PUM1: variants seen among roughly 807,000 people sequenced by gnomAD.
PUM1 encodes pumilio RNA binding family member 1, also known as pumilio homolog 1.
Under a neutral mutation model 131.8 loss-of-function variants are expected in PUM1, and 13 were observed. The observed-to-expected ratio is 0.10, with a 90% CI of 0.06 to 0.16. The LOEUF (loss-of-function observed/expected upper bound fraction) is 0.16, where lower values mean the gene tolerates loss of function less well. Ranked by LOEUF, PUM1 falls within the 10% of genes least tolerant of loss-of-function variation. PUM1 has a pLI of 1.00. For synonymous variants in PUM1, 509 were observed against 556.5 expected (o/e 0.91, Z 1.20); for missense variants, 961 against 1,512.4 (o/e 0.64, Z 6.05).
Position 31,009,782 on chromosome 1 carries a change from A to AAAAAAAAAAAAAAACAAAAAC in PUM1, c.433-2681_433-2680insGTTTTTGTTTTTTTTTTTTTT, listed in dbSNP as rs375044466. 1.9e-4 allele frequency among the ~76,000 whole-genome samples: 24 copies of AAAAAAAAAAAAAAACAAAAAC among 125,344 alleles called. 1 individual carries two copies. Among genetic ancestry groups the AAAAAAAAAAAAAAACAAAAAC allele is most frequent in the Non-Finnish European group, 2.9e-4 (18 of 62,922 alleles). The allele number at this position is 125,344 out of a possible 152,430, so 82.2% of individuals were successfully genotyped here. A position where few individuals can be genotyped will look rare whatever the true frequency, so the allele number is the denominator to read the frequency against. On this transcript the variant is annotated intron_variant, in intron 3 of 21. Coordinates refer to ENST00000426105, the MANE Select transcript of PUM1 (RefSeq NM_001020658.2). ...GACTCTGTCTCAAAAAAAAAAAAAA[A>AAAAAAAAAAAAAAACAAAAAC]AAAAACAAAAACAGAAACAAAAAAA... is the stretch of plus-strand genomic sequence containing the variant.
At chr1:31,034,150 T>C (rs1204969201) in intron 2 of PUM1, among the ~76,000 whole-genome samples, 1 of 152,102 alleles carries the variant, frequency 6.6e-6, no homozygotes, top group African/African-American at 2.4e-5. Flanking sequence ...ACGACACAGG[T>C]TTTGCTAGCA....
intron 9 of PUM1, among the ~76,000 whole-genome samples, chr1:30,978,911 C>G (rs1641246784): frequency 6.6e-6 from 1 of 152,140 alleles, no homozygotes; most frequent in Admixed American, 6.5e-5. Flanking sequence ...CAACACCAGC[C>G]TAGGCAACGC....
At chr1:30,984,781 T>C (rs1422583842) in intron 7 of PUM1, among the ~76,000 whole-genome samples, 4 of 152,232 alleles carry the variant, frequency 2.6e-5, no homozygotes, top group Non-Finnish European at 5.9e-5. Flanking sequence ...TGGCATCTTA[T>C]AAAAGATAGC....
intron 3 of PUM1, among the ~76,000 whole-genome samples, chr1:31,023,322 C>T (rs951115579): frequency 1.3e-5 from 2 of 152,168 alleles, no homozygotes; most frequent in Non-Finnish European, 2.9e-5. Flanking sequence ...AGACATCTTT[C>T]CAAAACTCAG....
chr1:31,046,511 GTTT>G (rs35053733), intron 2 of PUM1, among the ~76,000 whole-genome samples: 11 of 122,054 alleles, frequency 9.0e-5, no homozygotes, highest in South Asian at 8.1e-4. Flanking sequence ...TGTTTTTTTG[GTTT>G]TTTTTTTTTT....
intron 4 of PUM1, among the ~76,000 whole-genome samples, chr1:31,006,634 G>A (rs1642409989): frequency 6.6e-6 from 1 of 152,034 alleles, no homozygotes; most frequent in Non-Finnish European, 1.5e-5. Context: ...TTCCATACAC[G>A]GTACACAAGG....
chr1:31,041,373 A>C (rs1248848479), intron 2 of PUM1, among the ~76,000 whole-genome samples: 1 of 151,746 alleles, frequency 6.6e-6, no homozygotes, highest in Non-Finnish European at 1.5e-5. Context: ...CATCACGGCC[A>C]GTCAAAAAGT....
rs1570057931 is a variant in PUM1 at position 30,932,308 on chromosome 1, T to C, written c.*903A>G. The C allele has an allele frequency of 2.6e-5, 4 of 152,592 alleles. No homozygotes were observed. In the Middle Eastern group the frequency reaches 0.014, roughly 519 times the overall value. The allele number at this position is 152,592 out of a possible 1,614,324, so 9.5% of individuals were successfully genotyped here. ...GTACATTATAGATACAGATTAGACA[T>C]CAAAACAAGAAAATACTACAAATTT... On this transcript the variant is annotated 3_prime_UTR_variant, in exon 22 of 22. Transcript: ENST00000426105.
intron 3 of PUM1, among the ~76,000 whole-genome samples, chr1:31,016,885 A>AT (rs1236415554): frequency 2.6e-5 from 4 of 152,300 alleles, no homozygotes; most frequent in South Asian, 2.1e-4. Context: ...AAATTAACAG[A>AT]TTTTTTAAAG....
intron 14 of PUM1, among the ~76,000 whole-genome samples, chr1:30,959,543 T>C (rs1640317799): frequency 6.6e-6 from 1 of 152,064 alleles, no homozygotes; most frequent in Admixed American, 6.6e-5. Context: ...TGGATTAATA[T>C]CTGAAAATCA....
chr1:30,965,744 A>C (rs1312594020), intron 13 of PUM1, among the ~76,000 whole-genome samples: 1 of 152,146 alleles, frequency 6.6e-6, no homozygotes, highest in Non-Finnish European at 1.5e-5. Flanking sequence ...TCTTCCCTAG[A>C]TTTCAAATCC....
chr1:31,019,394 T>G (rs1407600677), intron 3 of PUM1, among the ~76,000 whole-genome samples: 2 of 152,284 alleles, frequency 1.3e-5, no homozygotes, highest in Admixed American at 6.5e-5. Flanking sequence ...AACCACAAAT[T>G]AGATATTAGA....
chr1:30,952,281 G>A lies in PUM1; in HGVS notation c.2674C>T (p.Leu892Phe). 1.2e-6 allele frequency: 2 copies of A among 1,614,088 alleles called. No individual in the cohort carries two copies. Among genetic ancestry groups the A allele is most frequent in the African/African-American group, 2.7e-5 (2 of 75,058 alleles). Reference protein sequence around the residue: ...FNEILQAAYQLMVDVFGNYVI... With the variant: ...FNEILQAAYQFMVDVFGNYVI... ...TAATTACCAAACACATCCACCATGA[G>A]TTGGTAGGCAGCCTGGAGGATTTCA... The change falls in exon 16 of 22, where the codon CTC (leucine) becomes TTC (phenylalanine). Residue 892 changes from leucine (L) to phenylalanine (F), a missense_variant. By Grantham distance (22) the Leu-to-Phe change is conservative. Around this residue, in one of 4 missense-constraint regions of PUM1, gnomAD observed 117 missense variants for 200.7 expected, o/e 0.58. Transcript: ENST00000426105.
intron 1 of PUM1, among the ~76,000 whole-genome samples, chr1:31,064,784 T>G: frequency 3.5e-4 from 14 of 39,590 alleles, no homozygotes; most frequent in East Asian, 9.6e-4. Context: ...GGGGGGGCTA[T>G]AGGAGGGAAA....
intron 2 of PUM1, among the ~76,000 whole-genome samples, chr1:31,042,576 A>G (rs1392452517): frequency 6.6e-6 from 1 of 152,224 alleles, no homozygotes; most frequent in Non-Finnish European, 1.5e-5. Flanking sequence ...TGGCAGACCA[A>G]GCTCTTAACA....
chr1:31,002,929 T>C (rs941899078), intron 5 of PUM1, among the ~76,000 whole-genome samples: 1 of 152,250 alleles, frequency 6.6e-6, no homozygotes, highest in African/African-American at 2.4e-5. Context: ...AATCTAGCCA[T>C]AACCAGCAAA....
chr1:30,951,023 C>A (rs1639913713), intron 16 of PUM1, among the ~76,000 whole-genome samples: 1 of 152,056 alleles, frequency 6.6e-6, no homozygotes, highest in South Asian at 2.1e-4. Flanking sequence ...TGAGGCTACA[C>A]AATGTTAAAA....
intron 21 of PUM1, among the ~76,000 whole-genome samples, chr1:30,934,799 G>C (rs962280659): frequency 2.0e-5 from 3 of 151,874 alleles, no homozygotes; most frequent in Non-Finnish European, 4.4e-5. Context: ...CTTCACCTTT[G>C]TACTTCCCCA....
At chr1:31,033,293 C>T (rs963568442) in intron 2 of PUM1, among the ~76,000 whole-genome samples, 1 of 151,484 alleles carries the variant, frequency 6.6e-6, no homozygotes, top group Admixed American at 6.6e-5. Flanking sequence ...CAACCTCCAC[C>T]TTCCAGGCTC....
Sources: allele counts gnomAD v4.1 joint callset (sites outside exome capture counted in the v4.1 genomes callset), GRCh38; gene constraint gnomAD v4.1.1; regional missense constraint gnomAD v4.1.1; transcripts MANE v1.5; gene names NCBI Gene and HGNC (gene_info 2026-07-23, HGNC 2026-07-21).